KIF5C: variants seen among roughly 807,000 people sequenced by gnomAD.
KIF5C encodes the protein kinesin family member 5C, also known as kinesin heavy chain isoform 5C.
In KIF5C, 18 loss-of-function variants were observed where a neutral mutation model predicts 125.2. The ratio of observed to expected loss-of-function variants is 0.14; its 90% CI spans 0.10 to 0.21. The LOEUF (loss-of-function observed/expected upper bound fraction) is 0.21. Ranked by LOEUF, KIF5C falls within the 10% of genes least tolerant of loss-of-function variation. The probability of loss-of-function intolerance (pLI) is 1.00; values close to 1 mark genes in which losing one functional copy is unlikely to be tolerated. For missense variants in KIF5C, 780 were observed against 1,183.8 expected (o/e 0.66, Z 5.01); for synonymous variants, 405 against 434.0 (o/e 0.93, Z 0.83).
chr2:148,884,627 CT>C (rs1681461279), intron 1 of KIF5C, among the ~76,000 whole-genome samples: 2 of 152,220 alleles, frequency 1.3e-5, no homozygotes, highest in African/African-American at 4.8e-5. Context: ...CATCTCATAT[CT>C]TTTGATCCAC....
chr2:148,904,632 G>T (rs1002354181), intron 1 of KIF5C, among the ~76,000 whole-genome samples: 1 of 152,122 alleles, frequency 6.6e-6, no homozygotes, highest in Non-Finnish European at 1.5e-5. Context: ...TTTGGTACTA[G>T]TTTTGACATT....
intron 10 of KIF5C, among the ~76,000 whole-genome samples, chr2:148,957,832 G>C (rs1682834541): frequency 6.6e-6 from 1 of 151,874 alleles, no homozygotes; most frequent in South Asian, 2.1e-4. Flanking sequence ...CACCACCCAG[G>C]ATCTTGGAAG....
intron 15 of KIF5C, among the ~76,000 whole-genome samples, chr2:148,987,227 A>G (rs539650314): frequency 2.6e-5 from 4 of 152,220 alleles, no homozygotes; most frequent in Admixed American, 6.5e-5. Context: ...TGGCATGTGC[A>G]TGTGTAGTAG....
chr2:148,994,502 T>G lies in KIF5C; in HGVS notation c.1987T>G (p.Ser663Ala), dbSNP rs1184999791. 4 of 1,570,868 alleles carry G rather than the reference T, an allele frequency of 2.5e-6. No homozygotes were observed. The highest frequency in any genetic ancestry group is 3.3e-4 in the Middle Eastern group (2 of 6,034). Residue 663 changes from serine (S) to alanine (A), a missense_variant, in exon 17 of 26, where the codon TCG becomes GCG. Transcript: ENST00000435030. ...KRRQLEESQDSLSEELAKLRA... is the reference protein window; with the variant it reads ...KRRQLEESQDALSEELAKLRA... ...GAGGCAGCTAGAAGAGTCCCAGGAC[T>G]CGCTCAGCGAAGAGCTGGCAAAGCT... is the stretch of plus-strand genomic sequence containing the variant.
rs185245513 is a variant in KIF5C at position 148,930,915 on chromosome 2, G to T, written c.291+1561G>T. On this transcript the variant is annotated intron_variant, in intron 3 of 25. Transcript: ENST00000435030. ...CTGCTATCCTCACGCTCCTGTCCCG[G>T]CCCCTCGCCTTTCCCTCTCTTACTA... Among the ~76,000 whole-genome samples the T allele has an allele frequency of 1.8e-3, 270 of 152,106 alleles. 1 individual carries two copies. Among genetic ancestry groups the T allele is most frequent in the African/African-American group, 6.0e-3 (249 of 41,470 alleles).
chr2:148,989,781 T>C (rs139621625), intron 15 of KIF5C, among the ~76,000 whole-genome samples: 11 of 152,320 alleles, frequency 7.2e-5, no homozygotes, highest in Middle Eastern at 3.4e-3. Flanking sequence ...ATTTATATTG[T>C]TGTTGAATTC....
chr2:148,977,984 A>G (rs1681121038), intron 12 of KIF5C, among the ~76,000 whole-genome samples: 1 of 152,196 alleles, frequency 6.6e-6, no homozygotes, highest in Admixed American at 6.5e-5. Context: ...TGGCACGAAG[A>G]AGTGCCCAAG....
intron 9 of KIF5C, 145 bp downstream of exon 9, chr2:148,950,088 C>G: frequency 7.3e-7 from 1 of 1,371,154 alleles, no homozygotes; most frequent in Non-Finnish European, 9.7e-7. Context: ...TGGATGCCTG[C>G]TTGCTGGGAG....
intron 25 of KIF5C, among the ~76,000 whole-genome samples, chr2:149,014,532 G>A (rs1018058091): frequency 6.6e-6 from 1 of 152,200 alleles, no homozygotes; most frequent in Non-Finnish European, 1.5e-5. Flanking sequence ...TTGGACAAGG[G>A]ACCTGGGTTC....
At chr2:148,935,244 CCAGGAAT>C (rs1682268583) in intron 3 of KIF5C, among the ~76,000 whole-genome samples, 1 of 152,100 alleles carries the variant, frequency 6.6e-6, no homozygotes, top group Non-Finnish European at 1.5e-5. Flanking sequence ...CTTGTATAAG[CCAGGAAT>C]CAATGGGGAG....
chr2:148,957,768 A>G (rs1036490056), intron 10 of KIF5C, among the ~76,000 whole-genome samples: 2 of 152,140 alleles, frequency 1.3e-5, no homozygotes, highest in African/African-American at 4.8e-5. Flanking sequence ...AGTAAAATAC[A>G]TAAACTTAAG....
chr2:148,947,972 T>A, intron 8 of KIF5C: 1 of 456,688 alleles, frequency 2.2e-6, no homozygotes, highest in South Asian at 1.5e-5. Flanking sequence ...TGAGTAATGG[T>A]TACTTGGATT....
At chr2:148,951,016 A>G (rs1350844717) in intron 10 of KIF5C, among the ~76,000 whole-genome samples, 1 of 152,200 alleles carries the variant, frequency 6.6e-6, no homozygotes, top group Non-Finnish European at 1.5e-5. Context: ...AAACGGAACA[A>G]CCAAACTCAT....
chr2:148,981,873 A>C (rs1458931580), intron 14 of KIF5C, among the ~76,000 whole-genome samples: 2 of 152,234 alleles, frequency 1.3e-5, no homozygotes, highest in African/African-American at 2.4e-5. Context: ...GTCTGACTTC[A>C]TAACTCTTAG....
At chr2:148,922,574 A>G (rs1267608810) in intron 2 of KIF5C, among the ~76,000 whole-genome samples, 1 of 152,196 alleles carries the variant, frequency 6.6e-6, no homozygotes, top group Admixed American at 6.5e-5. Context: ...TTTGAAGGAG[A>G]AAATATATAT....
chr2:148,946,527 T>C (rs1458334413), intron 7 of KIF5C, among the ~76,000 whole-genome samples: 1 of 152,176 alleles, frequency 6.6e-6, no homozygotes, highest in African/African-American at 2.4e-5. Flanking sequence ...CATGTATTAA[T>C]CATGATGAAG....
intron 1 of KIF5C, among the ~76,000 whole-genome samples, chr2:148,908,494 C>T (rs983358147): frequency 6.6e-6 from 1 of 152,210 alleles, no homozygotes; most frequent in African/African-American, 2.4e-5. Flanking sequence ...AAGGGCCACC[C>T]TGACCTTAGC....
In KIF5C at chr2:149,025,402, A is replaced by G. The variant is rs532129932; in HGVS notation, c.*2332A>G. The stretch of plus-strand genomic sequence containing the variant: ...GAACGGATTATTCAAATGGATCCTT[A>G]AATATTGCTATGTATAATAAGCCAG... On this transcript the variant is annotated 3_prime_UTR_variant, in exon 26 of 26. Transcript: ENST00000435030. 3.9e-5 allele frequency: 6 copies of G among 152,776 alleles called. No homozygotes were observed. Among genetic ancestry groups the G allele is most frequent in the African/African-American group, 9.6e-5 (4 of 41,588 alleles). The allele number at this position is 152,776 out of a possible 1,614,324, so 9.5% of individuals were successfully genotyped here. A position where few individuals can be genotyped will look rare whatever the true frequency, so the allele number is the denominator to read the frequency against.
chr2:148,976,030 TG>T (rs1681055944), intron 12 of KIF5C, among the ~76,000 whole-genome samples: 1 of 152,178 alleles, frequency 6.6e-6, no homozygotes, highest in Non-Finnish European at 1.5e-5. Flanking sequence ...AAGTTGGCGC[TG>T]GCACTCCTTG....
Sources: allele counts gnomAD v4.1 joint callset (sites outside exome capture counted in the v4.1 genomes callset), GRCh38; gene constraint gnomAD v4.1.1; transcripts MANE v1.5; gene names NCBI Gene and HGNC (gene_info 2026-07-23, HGNC 2026-07-21).